KIF24: variants seen among roughly 807,000 people sequenced by gnomAD.
KIF24 encodes kinesin-like protein KIF24.
In KIF24, 81 loss-of-function variants were observed where a neutral mutation model predicts 118.9. That is an observed-to-expected ratio of 0.68 (90% CI 0.57 to 0.82). KIF24 has a LOEUF of 0.82. Among genes scored for constraint, KIF24 ranks in the 40% least tolerant of loss-of-function variants. The probability of loss-of-function intolerance (pLI) is 0.00; values close to 1 mark genes in which losing one functional copy is unlikely to be tolerated. For synonymous variants in KIF24, 599 were observed against 610.0 expected (o/e 0.98, Z 0.27); for missense variants, 1,560 against 1,661.6 (o/e 0.94, Z 1.06).
intron 5 of KIF24, among the ~76,000 whole-genome samples, chr9:34,288,027 A>C (rs1836115493): frequency 6.6e-6 from 1 of 152,134 alleles, no homozygotes; most frequent in East Asian, 1.9e-4. Context: ...TGGACAGCCT[A>C]AAATGTACTT....
At chr9:34,268,653 G>A (rs142256692) in intron 8 of KIF24, among the ~76,000 whole-genome samples, 3 of 151,898 alleles carry the variant, frequency 2.0e-5, no homozygotes, top group East Asian at 3.9e-4. Flanking sequence ...AATTACAGGC[G>A]CTCGGCACCA....
chr9:34,328,980 C>T (rs764295081), intron 1 of KIF24, among the ~76,000 whole-genome samples, 126 bp downstream of exon 1: 1 of 152,230 alleles, frequency 6.6e-6, no homozygotes, highest in Non-Finnish European at 1.5e-5. Flanking sequence ...GGCCAACTCT[C>T]GGTTCCCTCA....
At chr9:34,271,675 G>A in intron 7 of KIF24, 134 bp downstream of exon 7, 2 of 869,428 alleles carry the variant, frequency 2.3e-6, no homozygotes, top group Non-Finnish European at 1.7e-6. Flanking sequence ...TTATTTCAGG[G>A]CTAACAACTC....
At chr9:34,255,187 C>T (rs1834776263) in intron 11 of KIF24, 22 bp from the exon 12 acceptor site, 1 of 1,438,894 alleles carries the variant, frequency 6.9e-7, no homozygotes, top group Admixed American at 1.9e-5. Context: ...AGAGAGAACA[C>T]TGTGATCTTC....
chr9:34,306,292 T>A lies in KIF24; in HGVS notation c.773A>T (p.Glu258Val). The A allele has an allele frequency of 6.2e-7, 1 of 1,610,424 alleles. No homozygotes were observed. The highest frequency in any genetic ancestry group is 8.5e-7 in the Non-Finnish European group (1 of 1,177,714). The change falls in exon 3 of 13, where the codon GAG becomes GTG. Residue 258 changes from glutamate to valine, a missense_variant. Physicochemically the swap from Glu to Val is moderately radical, Grantham distance 121 (BLOSUM62 -2). This residue lies in a region of KIF24 where 964 missense variants were observed against 988.0 expected (regional missense o/e 0.98). Coordinates refer to ENST00000402558, the MANE Select transcript of KIF24 (RefSeq NM_194313.4). Reference protein sequence around the residue: ...VEDKETLLVHEKKEAVDLTQY... With the variant: ...VEDKETLLVHVKKEAVDLTQY... Reference sequence around the variant, plus strand: ...AGTGAGGTCAACTGCTTCTTTCTTCTCATGCACAAGTAGAGTTTCTTTGTC... The same window carrying A: ...AGTGAGGTCAACTGCTTCTTTCTTCACATGCACAAGTAGAGTTTCTTTGTC...
At chr9:34,286,587 TG>T in intron 6 of KIF24, 29 bp downstream of exon 6, 1 of 1,449,336 alleles carries the variant, frequency 6.9e-7, no homozygotes, top group Non-Finnish European at 9.7e-7. Flanking sequence ...ACTGTTGTGG[TG>T]GGGTAATAAA....
chr9:34,279,013 A>G (rs1249543998), intron 6 of KIF24, among the ~76,000 whole-genome samples: 1 of 152,162 alleles, frequency 6.6e-6, no homozygotes, highest in Non-Finnish European at 1.5e-5. Flanking sequence ...CTGAAGTGGG[A>G]GGATCGCTTG....
intron 6 of KIF24, among the ~76,000 whole-genome samples, chr9:34,284,875 T>C (rs922819363): frequency 6.6e-6 from 1 of 152,142 alleles, no homozygotes; most frequent in African/African-American, 2.4e-5. Flanking sequence ...GTGCTATTTT[T>C]CACAATAAAA....
intron 8 of KIF24, among the ~76,000 whole-genome samples, chr9:34,267,743 A>G (rs1417581078): frequency 6.6e-6 from 1 of 152,224 alleles, no homozygotes; most frequent in African/African-American, 2.4e-5. Flanking sequence ...CACTTAGAGC[A>G]TATCTTAATT....
chr9:34,282,810 G>A (rs1402391550), intron 6 of KIF24: 2 of 152,176 alleles, frequency 1.3e-5, no homozygotes, highest in African/African-American at 4.8e-5. Context: ...CCAGCACTTT[G>A]GGAGGCCAAG....
chr9:34,328,973 CAACTCTCGGT>C (rs2131845557), intron 1 of KIF24, among the ~76,000 whole-genome samples, 123 bp downstream of exon 1: 1 of 152,290 alleles, frequency 6.6e-6, no homozygotes, highest in South Asian at 2.1e-4. Context: ...CAAGAGGGGC[CAACTCTCGGT>C]TCCCTCACAA....
Position 34,258,191 on chromosome 9 carries a change from G to A in KIF24, c.1626-210C>T, listed in dbSNP as rs372545074. Among the ~76,000 whole-genome samples, 141 of 152,310 alleles carry A rather than the reference G, an allele frequency of 9.3e-4. 1 individual carries two copies. Among genetic ancestry groups the A allele is most frequent in the Non-Finnish European group, 1.7e-3 (116 of 68,024 alleles). ...TGAATGAAAAAGAGCAGTGTTGGCT[G>A]GTTGTAGTGGCTCACATCTGTAATC... On this transcript the variant is annotated intron_variant, in intron 10 of 12. Transcript: ENST00000402558.
chr9:34,256,920 C>T lies in KIF24; in HGVS notation c.2687G>A (p.Arg896Lys), dbSNP rs548413058. ...TGCTCTTCTGTGGTTTATGGGGTCC[C>T]TGGAGTCCACCCAGCTTTTAGTTAG... Reference protein sequence around the residue: ...KDLTKSWVDSRDPINHRRAAL... With the variant: ...KDLTKSWVDSKDPINHRRAAL... Residue 896 changes from arginine (R) to lysine (K), a missense_variant, in exon 11 of 13, where the codon AGG (arginine) becomes AAG (lysine). Arg to Lys is a conservative substitution (Grantham distance 26). Coordinates refer to ENST00000402558, the MANE Select transcript of KIF24 (RefSeq NM_194313.4). The T allele has an allele frequency of 1.9e-6, 3 of 1,613,978 alleles. No individual in the cohort carries two copies. The South Asian group carries it at 3.3e-5, about 18-fold the overall frequency.
intron 3 of KIF24, among the ~76,000 whole-genome samples, chr9:34,304,848 C>G (rs1836853027): frequency 6.6e-6 from 1 of 152,136 alleles, no homozygotes; most frequent in Admixed American, 6.6e-5. Flanking sequence ...ATTTATTCCA[C>G]TAATGTAAGA....
At chr9:34,301,446 C>T (rs1278778126) in intron 3 of KIF24, among the ~76,000 whole-genome samples, 3 of 152,054 alleles carry the variant, frequency 2.0e-5, no homozygotes, top group Non-Finnish European at 4.4e-5. Flanking sequence ...GATGGGGTTT[C>T]GCTATGATAG....
chr9:34,324,634 G>T (rs926373690), intron 1 of KIF24, among the ~76,000 whole-genome samples: 29 of 152,238 alleles, frequency 1.9e-4, no homozygotes, highest in Middle Eastern at 3.4e-3. Flanking sequence ...TAACAATGCT[G>T]CTCCCTTATT....
At chr9:34,258,902 GTTTAGCAGCATCCTTGGCCTC>G (rs1834954683) in intron 10 of KIF24, among the ~76,000 whole-genome samples, 1 of 152,224 alleles carries the variant, frequency 6.6e-6, no homozygotes. Flanking sequence ...CTTGAAGGAT[GTTTAGCAGCATCCTTGGCCTC>G]TGCTCACTAG....
At chr9:34,297,458 T>G (rs1465135013) in intron 3 of KIF24, among the ~76,000 whole-genome samples, 1 of 152,166 alleles carries the variant, frequency 6.6e-6, no homozygotes, top group African/African-American at 2.4e-5. Context: ...AGCTAGTATA[T>G]TTAGAATTTT....
intron 1 of KIF24, among the ~76,000 whole-genome samples, chr9:34,323,386 C>G (rs1837580743): frequency 6.6e-6 from 1 of 152,126 alleles, no homozygotes; most frequent in South Asian, 2.1e-4. Context: ...GAGCAATCAC[C>G]TAAAAATAAA....
Sources: gnomAD v4.1 joint callset for allele counts (sites outside exome capture counted in the v4.1 genomes callset) on GRCh38, gnomAD v4.1.1 for gene constraint, gnomAD v4.1.1 regional missense constraint, MANE v1.5 for transcripts, NCBI Gene and HGNC (gene_info 2026-07-23, HGNC 2026-07-21) for gene names.